The following ANO1 variants were observed in gnomAD, a reference collection of about 807,000 sequenced individuals.
ANO1 encodes the protein anoctamin 1.
Under a neutral mutation model 124.0 loss-of-function variants are expected in ANO1, and 59 were observed. The ratio of observed to expected loss-of-function variants is 0.48; its 90% confidence interval spans 0.39 to 0.59. The LOEUF (loss-of-function observed/expected upper bound fraction) is 0.59, where lower values mean the gene tolerates loss of function less well. Among genes scored for constraint, ANO1 ranks in the 20% least tolerant of loss-of-function variants. ANO1 has a pLI of 0.00. For synonymous variants in ANO1, 529 were observed against 532.0 expected (o/e 0.99, Z 0.08); for missense variants, 1,059 against 1,328.0 (o/e 0.80, Z 3.15).
intron 4 of ANO1, 89 bp from the exon 5 acceptor site, chr11:70,105,645 G>A: frequency 8.2e-7 from 1 of 1,224,096 alleles, no homozygotes; most frequent in Non-Finnish European, 1.2e-6. Flanking sequence ...ACGGCTAATG[G>A]GGACAGTGTG....
At chr11:70,165,925 C>T (rs1036224457) in intron 20 of ANO1, among the ~76,000 whole-genome samples, 1 of 152,220 alleles carries the variant, frequency 6.6e-6, no homozygotes, top group East Asian at 1.9e-4. Context: ...GAGGCTGAGG[C>T]GGGAGGATCG....
At chr11:70,143,359 A>C (rs763963290) in intron 11 of ANO1, among the ~76,000 whole-genome samples, 2 of 152,204 alleles carry the variant, frequency 1.3e-5, no homozygotes, top group Non-Finnish European at 2.9e-5. Flanking sequence ...TCCGCCAGCC[A>C]GCTAAGGAGG....
intron 22 of ANO1, among the ~76,000 whole-genome samples, chr11:70,172,241 A>G (rs2135774434): frequency 6.6e-6 from 1 of 152,280 alleles, no homozygotes; most frequent in Non-Finnish European, 1.5e-5. Context: ...GAGGCATTTA[A>G]GCAGAGACAG....
At chr11:70,149,204 G>A (rs2135621497) in intron 11 of ANO1, among the ~76,000 whole-genome samples, 1 of 152,254 alleles carries the variant, frequency 6.6e-6, no homozygotes, top group Non-Finnish European at 1.5e-5. Flanking sequence ...ACCTCGGTCG[G>A]GACTTGAGTG....
At chr11:70,120,941 C>A (rs556598256) in intron 8 of ANO1, among the ~76,000 whole-genome samples, 1 of 152,178 alleles carries the variant, frequency 6.6e-6, no homozygotes, top group Non-Finnish European at 1.5e-5. Flanking sequence ...TAAGGTGCCA[C>A]CTTGGATTCC....
In ANO1 at chr11:70,010,189, A is replaced by ATG. The variant is rs1856575728; in HGVS notation, c.58+24024_58+24025insGT. ...TGCGCGTGTGTGTGTGTATATATAT[A>ATG]TATATATATCACATTTTCTTTATCC... On this transcript the variant is annotated intron_variant, in intron 1 of 27. Coordinates refer to the ANO1 transcript ENST00000531349. Among the ~76,000 whole-genome samples the ATG allele has an allele frequency of 7.4e-3, 620 of 83,632 alleles. 53 individuals carry two copies. The highest frequency in any genetic ancestry group is 0.021 in the African/African-American group (581 of 27,790). The allele number at this position is 83,632 out of a possible 152,430, so 54.9% of individuals were successfully genotyped here. A position where few individuals can be genotyped will look rare whatever the true frequency, so the allele number is the denominator to read the frequency against.
At chr11:70,047,363 A>G (rs1555005790) in intron 1 of ANO1, among the ~76,000 whole-genome samples, 2 of 152,162 alleles carry the variant, frequency 1.3e-5, no homozygotes, top group East Asian at 3.8e-4. Context: ...TTTTAATTAT[A>G]TGGAGAAATA....
At chr11:69,978,644 C>A in the ANO1 span, among the ~76,000 whole-genome samples, 3 of 152,194 alleles carry the variant, frequency 2.0e-5, no homozygotes, top group East Asian at 5.8e-4. Context: ...AGCTACCGCA[C>A]CCTGCCCAGG....
Position 70,053,754 on chromosome 11 carries a change from T to C in ANO1, c.59-24788T>C, listed in dbSNP as rs1316677973. Among the ~76,000 whole-genome samples the C allele has an allele frequency of 2.0e-5, 3 of 152,230 alleles. No homozygotes were observed. The East Asian group carries it at 5.8e-4, about 29-fold the overall frequency. On this transcript the variant is annotated intron_variant, in intron 1 of 27. Coordinates refer to the ANO1 transcript ENST00000531349. ...ATTCCTGGAAGAGTTTCTGGAAGAT[T>C]GGTGTTATTTCTTCCTGAAATGTCT...
intron 11 of ANO1, among the ~76,000 whole-genome samples, chr11:70,138,521 G>T (rs200550163): frequency 2.1e-5 from 3 of 141,754 alleles, no homozygotes; most frequent in Non-Finnish European, 3.1e-5. Context: ...AAAAAAAAAA[G>T]AAAAGAAAAG....
chr11:70,132,297 A>T (rs999617670), intron 11 of ANO1, among the ~76,000 whole-genome samples: 6 of 152,174 alleles, frequency 3.9e-5, no homozygotes, highest in African/African-American at 1.4e-4. Context: ...CCCAGCAAAG[A>T]GTCCCTTAGG....
intron 1 of ANO1, among the ~76,000 whole-genome samples, chr11:70,029,740 A>G (rs1436101020): frequency 6.6e-6 from 1 of 152,154 alleles, no homozygotes; most frequent in African/African-American, 2.4e-5. Context: ...CTGGAATGAG[A>G]GTGTGAGCAG....
upstream of ANO1, among the ~76,000 whole-genome samples, chr11:70,074,100 T>G (rs1270890456): frequency 4.6e-5 from 7 of 152,174 alleles, no homozygotes; most frequent in East Asian, 1.3e-3. Flanking sequence ...ATCATTTACC[T>G]GTTTGGCCTC....
chr11:70,040,371 A>G (rs1857164768), intron 1 of ANO1, among the ~76,000 whole-genome samples: 3 of 152,192 alleles, frequency 2.0e-5, no homozygotes, highest in African/African-American at 7.2e-5. Flanking sequence ...AGGTATGCTG[A>G]CTTAGATCCT....
chr11:69,967,739 C>T, the ANO1 span, among the ~76,000 whole-genome samples: 12 of 152,316 alleles, frequency 7.9e-5, no homozygotes, highest in Middle Eastern at 3.4e-3. Flanking sequence ...ACAACTGGTC[C>T]GGTGAGGGCT....
chr11:70,095,769 C>G (rs1424427220), intron 2 of ANO1, among the ~76,000 whole-genome samples: 1 of 152,216 alleles, frequency 6.6e-6, no homozygotes, highest in Non-Finnish European at 1.5e-5. Flanking sequence ...CCGCCGGAGC[C>G]CCTCACCAGC....
chr11:70,099,447 C>G (rs2045168866), intron 2 of ANO1, among the ~76,000 whole-genome samples: 1 of 152,176 alleles, frequency 6.6e-6, no homozygotes, highest in South Asian at 2.1e-4. Context: ...TCCTCATGGA[C>G]TCAGAGGAAT....
intron 1 of ANO1, among the ~76,000 whole-genome samples, chr11:70,033,602 T>C (rs1166487092): frequency 6.6e-6 from 1 of 152,088 alleles, no homozygotes; most frequent in African/African-American, 2.4e-5. Context: ...TGGTGCATAG[T>C]AGGTGGTCGG....
intron 24 of ANO1, among the ~76,000 whole-genome samples, chr11:70,184,069 C>T (rs959542298): frequency 1.3e-5 from 2 of 152,202 alleles, no homozygotes; most frequent in African/African-American, 4.8e-5. Flanking sequence ...CTAGCCTCCC[C>T]GACTGACCTC....
Sources: gnomAD v4.1 joint callset for allele counts (sites outside exome capture counted in the v4.1 genomes callset) on GRCh38, gnomAD v4.1.1 for gene constraint, MANE v1.5 for transcripts, NCBI Gene and HGNC (gene_info 2026-07-23, HGNC 2026-07-21) for gene names.